The following CBFA2T2 variants were observed in gnomAD, a reference collection of about 807,000 sequenced individuals.
CBFA2T2 encodes the protein CBFA2/RUNX1 partner transcriptional co-repressor 2.
In CBFA2T2, 11 loss-of-function variants were observed where a neutral mutation model predicts 62.2. The observed-to-expected ratio is 0.18, with a 90% CI of 0.11 to 0.29. CBFA2T2 has a LOEUF of 0.29. Among genes scored for constraint, CBFA2T2 ranks in the 10% least tolerant of loss-of-function variants. CBFA2T2 has a pLI of 1.00. For missense variants in CBFA2T2, 592 were observed against 774.1 expected, an observed-to-expected ratio of 0.76 and a Z score of 2.79; for synonymous variants, 295 against 287.5, an observed-to-expected ratio of 1.03 and a Z score of -0.27.
chr20:33,588,320 A>T (rs118139683), intron 1 of CBFA2T2, among the ~76,000 whole-genome samples: 10,499 of 151,648 alleles, frequency 0.069, 529 homozygotes, highest in Middle Eastern at 0.14. Flanking sequence ...ATTTTAAACT[A>T]TTTTTTATAA....
chr20:33,581,480 TTGTG>T (rs3051490), intron 1 of CBFA2T2, among the ~76,000 whole-genome samples: 1 of 150,556 alleles, frequency 6.6e-6, no homozygotes, highest in Non-Finnish European at 1.5e-5. Context: ...TTTTTGTTCT[TTGTG>T]TGTGTGTGTG....
At chr20:33,564,099 C>T (rs150426499) in intron 1 of CBFA2T2, among the ~76,000 whole-genome samples, 4 of 152,234 alleles carry the variant, frequency 2.6e-5, no homozygotes, top group African/African-American at 9.6e-5. Flanking sequence ...AAAATTCTAC[C>T]ATTTCTCAAA....
intron 1 of CBFA2T2, among the ~76,000 whole-genome samples, chr20:33,542,513 ACT>A (rs1283802588): frequency 6.6e-6 from 1 of 151,826 alleles, no homozygotes; most frequent in African/African-American, 2.4e-5. Context: ...GCTTCTGAAT[ACT>A]CTCTCAATTA....
At chr20:33,496,528 C>T (rs955249628) in intron 1 of CBFA2T2, among the ~76,000 whole-genome samples, 1 of 152,024 alleles carries the variant, frequency 6.6e-6, no homozygotes, top group Non-Finnish European at 1.5e-5. Flanking sequence ...TCATTAGTGT[C>T]GAGAAAGGTA....
At chr20:33,551,414 C>G (rs1004984336) in intron 1 of CBFA2T2, among the ~76,000 whole-genome samples, 2 of 152,040 alleles carry the variant, frequency 1.3e-5, no homozygotes, top group African/African-American at 4.8e-5. Flanking sequence ...CGGGGTTTCT[C>G]CATGTTAGTC....
chr20:33,528,587 G>A (rs1456843838), intron 1 of CBFA2T2, among the ~76,000 whole-genome samples: 5 of 152,186 alleles, frequency 3.3e-5, no homozygotes, highest in African/African-American at 4.8e-5. Context: ...CAGCCCATGC[G>A]TGTGGAATCA....
chr20:33,574,056 T>A, intron 1 of CBFA2T2: 2 of 1,438,938 alleles, frequency 1.4e-6, no homozygotes, highest in South Asian at 2.7e-5. Flanking sequence ...CCCAAAGTGC[T>A]GGGATTACAG....
At chr20:33,567,927 C>G (rs2013406447) in intron 1 of CBFA2T2, among the ~76,000 whole-genome samples, 2 of 152,084 alleles carry the variant, frequency 1.3e-5, no homozygotes, top group Non-Finnish European at 2.9e-5. Flanking sequence ...TAGGAGAAAA[C>G]ATAGTATATA....
intron 8 of CBFA2T2, among the ~76,000 whole-genome samples, chr20:33,635,744 G>GGT (rs2016609023): frequency 6.6e-6 from 1 of 152,086 alleles, no homozygotes; most frequent in Admixed American, 6.5e-5. Context: ...CGGTCATGGT[G>GGT]GTACATGCCT....
At chr20:33,511,732 A>G (rs1315903612) in intron 1 of CBFA2T2, among the ~76,000 whole-genome samples, 2 of 152,200 alleles carry the variant, frequency 1.3e-5, no homozygotes, top group Non-Finnish European at 2.9e-5. Context: ...ATCAAGAAAT[A>G]AAGCATTAGG....
At chr20:33,502,645 T>C (rs935156115) in intron 1 of CBFA2T2, among the ~76,000 whole-genome samples, 6 of 151,138 alleles carry the variant, frequency 4.0e-5, no homozygotes, top group Admixed American at 1.3e-4. Flanking sequence ...CCTTGTGATC[T>C]GCCTGCCTCG....
chr20:33,547,974 G>A (rs2012628702), intron 1 of CBFA2T2, among the ~76,000 whole-genome samples: 2 of 151,996 alleles, frequency 1.3e-5, no homozygotes, highest in African/African-American at 4.8e-5. Context: ...ATGGGGTCTT[G>A]CTGTATTGCA....
At chr20:33,636,574 G>C (rs1209168530) in intron 8 of CBFA2T2, 66 bp from the exon 9 acceptor site, 4 of 1,210,700 alleles carry the variant, frequency 3.3e-6, no homozygotes. Context: ...TGAGAAATCT[G>C]ATCAAAAATA....
At chr20:33,558,032 T>C (rs985488377) in intron 1 of CBFA2T2, among the ~76,000 whole-genome samples, 2 of 152,188 alleles carry the variant, frequency 1.3e-5, no homozygotes, top group East Asian at 3.9e-4. Context: ...TTTCACCATG[T>C]TGGCCAGGCT....
chr20:33,518,222 C>T (rs2011639208), intron 1 of CBFA2T2, among the ~76,000 whole-genome samples: 1 of 152,172 alleles, frequency 6.6e-6, no homozygotes, highest in South Asian at 2.1e-4. Context: ...GCTGGGATTA[C>T]AGGCGTGAGT....
intron 1 of CBFA2T2, among the ~76,000 whole-genome samples, chr20:33,508,895 A>G (rs746745711): frequency 9.9e-5 from 15 of 152,222 alleles, no homozygotes; most frequent in Admixed American, 3.9e-4. Flanking sequence ...AGGCTGCTGA[A>G]GAGTTAATTT....
intron 1 of CBFA2T2, among the ~76,000 whole-genome samples, chr20:33,524,960 A>G (rs2011844129): frequency 6.6e-6 from 1 of 151,896 alleles, no homozygotes; most frequent in Non-Finnish European, 1.5e-5. Context: ...TCAGCCTCCC[A>G]AGTAGCTGGG....
At chr20:33,605,320 T>G (rs2015298629) in intron 1 of CBFA2T2, among the ~76,000 whole-genome samples, 1 of 152,218 alleles carries the variant, frequency 6.6e-6, no homozygotes, top group Non-Finnish European at 1.5e-5. Context: ...TCCCCATTTT[T>G]TACACTTTAA....
At position 33,523,722 on chromosome 20, in the gene CBFA2T2, C is replaced by T. The variant is rs546096237; in HGVS notation, c.34+33421C>T. ...TTTTTTCCCAGGATGGAATTTCACC[C>T]TTGTCGCCCAGGCTGGAGTGCAGTG... On this transcript the variant is annotated intron_variant, in intron 1 of 10. Transcript: ENST00000342704. 4.0e-4 allele frequency among the ~76,000 whole-genome samples: 59 copies of T among 148,560 alleles called. No individual in the cohort carries two copies. The South Asian group carries it at 0.012, about 30-fold the overall frequency.
Sources: gnomAD v4.1 joint callset for allele counts (sites outside exome capture counted in the v4.1 genomes callset) on GRCh38, gnomAD v4.1.1 for gene constraint, MANE v1.5 for transcripts, NCBI Gene and HGNC (gene_info 2026-07-23, HGNC 2026-07-21) for gene names.